DIS3L2: variants seen among roughly 807,000 people sequenced by gnomAD.
DIS3L2 encodes the protein DIS3-like exonuclease 2.
In DIS3L2, 34 loss-of-function variants were observed where a neutral mutation model predicts 97.5. The ratio of observed to expected loss-of-function variants is 0.35; its 90% CI spans 0.27 to 0.46. DIS3L2 has a LOEUF of 0.46. Among genes scored for constraint, DIS3L2 ranks in the 20% least tolerant of loss-of-function variants. DIS3L2 has a pLI of 1.00. For synonymous variants in DIS3L2, 435 were observed against 445.2 expected (o/e 0.98, Z 0.29); for missense variants, 1,038 against 1,146.0 (o/e 0.91, Z 1.36).
At chr2:232,274,369 C>T (rs1694084987) in intron 13 of DIS3L2, among the ~76,000 whole-genome samples, 1 of 152,196 alleles carries the variant, frequency 6.6e-6, no homozygotes, top group South Asian at 2.1e-4. Context: ...CTCCATGTCA[C>T]ACTCCACGTC....
At chr2:232,333,440 G>A (rs939580468) in intron 16 of DIS3L2, among the ~76,000 whole-genome samples, 1 of 152,104 alleles carries the variant, frequency 6.6e-6, no homozygotes, top group African/African-American at 2.4e-5. Context: ...GCTCAGCAGT[G>A]ACTCAGCAGG....
At position 232,249,235 on chromosome 2, in the gene DIS3L2, A is replaced by G. The variant is rs1559174378; in HGVS notation, c.1318-4A>G. 1.2e-6 allele frequency: 2 copies of G among 1,613,576 alleles called. No homozygotes were observed. Among genetic ancestry groups the G allele is most frequent in the South Asian group, 2.2e-5 (2 of 91,004 alleles). Reference sequence around the variant, plus strand: ...GTGCTCATGGGCCTGTGCTCTATTTACAGGTGGTCCCCATGCTTCCCAGGC... The same window carrying G: ...GTGCTCATGGGCCTGTGCTCTATTTGCAGGTGGTCCCCATGCTTCCCAGGC... On this transcript the variant is annotated splice_region_variant and splice_polypyrimidine_tract_variant and intron_variant, in intron 11 of 20. Coordinates refer to ENST00000325385, the MANE Select transcript of DIS3L2 (RefSeq NM_152383.5).
rs142409905 is a variant in DIS3L2 at position 232,326,942 on chromosome 2, G to A, written c.1740-2871G>A. Among the ~76,000 whole-genome samples, 882 of 152,348 alleles carry A rather than the reference G, an allele frequency of 5.8e-3. 4 individuals carry two copies. Among genetic ancestry groups the A allele is most frequent in the Middle Eastern group, 0.014 (4 of 294 alleles). On this transcript the variant is annotated intron_variant, in intron 14 of 20. Transcript: ENST00000325385. ...GGGTCCAGGGAGAGCAGGTAGCGGA[G>A]TTGCCAGGGAAGCAGCTTGCCTGAG... is the stretch of plus-strand genomic sequence containing the variant.
At chr2:232,194,133 G>T (rs1223709894) in intron 9 of DIS3L2, among the ~76,000 whole-genome samples, 1 of 151,598 alleles carries the variant, frequency 6.6e-6, no homozygotes, top group Non-Finnish European at 1.5e-5. Context: ...AAAGAAAAAA[G>T]ATTCAATTTA....
At chr2:232,117,476 A>G (rs1362827284) in intron 6 of DIS3L2, among the ~76,000 whole-genome samples, 1 of 152,220 alleles carries the variant, frequency 6.6e-6, no homozygotes, top group Admixed American at 6.5e-5. Context: ...AAAGCGTAGC[A>G]TTTTGTTATG....
chr2:232,315,224 C>T lies in DIS3L2; in HGVS notation c.1740-14589C>T, dbSNP rs546080956. Among the ~76,000 whole-genome samples, 15 of 152,306 alleles carry T rather than the reference C, an allele frequency of 9.8e-5. 2 individuals are homozygous for T. Among genetic ancestry groups the T allele is most frequent in the African/African-American group, 3.6e-4 (15 of 41,572 alleles). On this transcript the variant is annotated intron_variant, in intron 14 of 20. Transcript: ENST00000325385. ...GCCTCCAGCCCTCCCCACCCCCATA[C>T]CGGTGTGCTGGCCCAGACCCAGGGC...
intron 11 of DIS3L2, among the ~76,000 whole-genome samples, chr2:232,241,325 A>G (rs1693074709): frequency 6.6e-6 from 1 of 152,190 alleles, no homozygotes; most frequent in Non-Finnish European, 1.5e-5. Flanking sequence ...TTCATCACAC[A>G]GGGGAAGGGG....
chr2:232,226,783 G>A (rs1344138941), intron 10 of DIS3L2, among the ~76,000 whole-genome samples: 1 of 152,096 alleles, frequency 6.6e-6, no homozygotes, highest in East Asian at 1.9e-4. Context: ...CCCAGCCTGG[G>A]CATAGTGAGA....
intron 5 of DIS3L2, among the ~76,000 whole-genome samples, chr2:232,044,720 A>T (rs1396757042): frequency 2.6e-5 from 4 of 152,154 alleles, no homozygotes; most frequent in Admixed American, 2.6e-4. Flanking sequence ...ACCTCTGAGG[A>T]TAGAGCCTGA....
chr2:232,023,550 T>A (rs551887978), intron 3 of DIS3L2, among the ~76,000 whole-genome samples: 2 of 152,308 alleles, frequency 1.3e-5, no homozygotes, highest in East Asian at 3.9e-4. Context: ...CTGGGGAGCC[T>A]TACAGCTTCC....
At chr2:232,023,866 A>G (rs746780638) in intron 3 of DIS3L2, among the ~76,000 whole-genome samples, 14 of 151,058 alleles carry the variant, frequency 9.3e-5, no homozygotes, top group Admixed American at 1.3e-4. Flanking sequence ...GAAACAAGCA[A>G]TTGTGGAAAG....
chr2:231,995,999 A>G (rs1306291850), intron 1 of DIS3L2, among the ~76,000 whole-genome samples: 1 of 152,218 alleles, frequency 6.6e-6, no homozygotes, highest in Non-Finnish European at 1.5e-5. Context: ...CCTTAAAAGG[A>G]AGAAGCATGG....
intron 5 of DIS3L2, among the ~76,000 whole-genome samples, chr2:232,053,419 C>G (rs1666696197): frequency 6.6e-6 from 1 of 152,186 alleles, no homozygotes; most frequent in Admixed American, 6.5e-5. Flanking sequence ...ATTTTCCACA[C>G]CAACCAGTTC....
chr2:231,982,327 C>T (rs1310690270), intron 1 of DIS3L2, among the ~76,000 whole-genome samples: 4 of 152,066 alleles, frequency 2.6e-5, no homozygotes, highest in African/African-American at 9.7e-5. Flanking sequence ...AGCATGGTAG[C>T]GGGTTTTTCA....
chr2:231,965,044 C>T (rs556755890), intron 1 of DIS3L2, among the ~76,000 whole-genome samples: 3 of 152,248 alleles, frequency 2.0e-5, no homozygotes, highest in South Asian at 2.1e-4. Context: ...TGATTTGTGA[C>T]CTATTTCTTT....
chr2:232,129,522 T>C (rs1271221836), intron 6 of DIS3L2, among the ~76,000 whole-genome samples: 1 of 152,242 alleles, frequency 6.6e-6, no homozygotes, highest in Non-Finnish European at 1.5e-5. Flanking sequence ...TTGCTTTTAC[T>C]TTTTGGAAAA....
intron 9 of DIS3L2, among the ~76,000 whole-genome samples, chr2:232,204,110 C>T (rs1418567324): frequency 6.6e-5 from 10 of 152,030 alleles, no homozygotes; most frequent in Non-Finnish European, 1.5e-4. Context: ...GCAGCATCTG[C>T]GACCTTGGGG....
intron 1 of DIS3L2, among the ~76,000 whole-genome samples, chr2:232,011,247 C>T (rs879303457): frequency 3.9e-5 from 6 of 152,128 alleles, no homozygotes; most frequent in African/African-American, 9.7e-5. Context: ...GAAACTGGCC[C>T]GTGCTTTCAA....
At chr2:232,326,056 A>T (rs2678491) in intron 14 of DIS3L2, among the ~76,000 whole-genome samples, 15 of 152,176 alleles carry the variant, frequency 9.9e-5, no homozygotes, top group Non-Finnish European at 1.9e-4. Flanking sequence ...CACCTAGCAC[A>T]GCTCCCCAGG....
Sources: allele counts gnomAD v4.1 joint callset (sites outside exome capture counted in the v4.1 genomes callset), GRCh38; gene constraint gnomAD v4.1.1; transcripts MANE v1.5; gene names NCBI Gene and HGNC (gene_info 2026-07-23, HGNC 2026-07-21).